CBLB: variants seen among roughly 807,000 people sequenced by gnomAD.
The protein encoded by CBLB is Cbl proto-oncogene B.
A neutral mutation model predicts 104.9 loss-of-function variants in CBLB; 31 were observed. The ratio of observed to expected loss-of-function variants is 0.30; its 90% CI spans 0.22 to 0.40. The LOEUF is 0.40. Ranked by LOEUF, CBLB falls within the 10% of genes least tolerant of loss-of-function variation. The pLI, the probability that CBLB is intolerant of heterozygous loss-of-function variation, is 1.00. For missense variants in CBLB, 1,062 were observed against 1,214.6 expected (o/e 0.87, Z 1.87); for synonymous variants, 440 against 422.6 (o/e 1.04, Z -0.51).
At chr3:105,742,936 T>TC (rs1175477685) in intron 6 of CBLB, among the ~76,000 whole-genome samples, 3 of 152,202 alleles carry the variant, frequency 2.0e-5, no homozygotes, top group Admixed American at 6.5e-5. Flanking sequence ...TTTCTAAAAC[T>TC]CATTATTATA....
At chr3:105,806,881 T>C (rs957062171) in intron 3 of CBLB, among the ~76,000 whole-genome samples, 20 of 152,194 alleles carry the variant, frequency 1.3e-4, no homozygotes, top group African/African-American at 4.3e-4. Context: ...AAAACATTCA[T>C]TGTTGCTTCC....
chr3:105,838,633 C>A (rs1334400940), intron 3 of CBLB, among the ~76,000 whole-genome samples: 1 of 148,832 alleles, frequency 6.7e-6, no homozygotes, highest in Non-Finnish European at 1.5e-5. Context: ...TCTTTTCCAA[C>A]AAAACTTTAA....
At chr3:105,749,581 G>C (rs1328776869) in intron 5 of CBLB, 1 of 157,166 alleles carries the variant, frequency 6.4e-6, no homozygotes, top group Non-Finnish European at 1.4e-5. Context: ...AATACCCACA[G>C]TAAAAAGTCA....
At position 105,657,806 on chromosome 3, in the gene CBLB, T is replaced by C. The variant is rs889103978; in HGVS notation, c.*1164A>G. On this transcript the variant is annotated 3_prime_UTR_variant, in exon 19 of 19. Transcript: ENST00000394030. ...AAATTAAATATGAACTCTAATTTGATTGCAGAGAGAAAATTACTGAGAACT... is the reference window on the plus strand; with the variant it reads ...AAATTAAATATGAACTCTAATTTGACTGCAGAGAGAAAATTACTGAGAACT... 5 of 206,404 alleles carry C rather than the reference T, an allele frequency of 2.4e-5. No individual in the cohort carries two copies. Among genetic ancestry groups the C allele is most frequent in the African/African-American group, 2.3e-5 (1 of 43,946 alleles). 12.8% of individuals were successfully genotyped at this position (206,404 alleles called of 1,614,324 possible). A position where few individuals can be genotyped will look rare whatever the true frequency, so the allele number is the denominator to read the frequency against.
At chr3:105,759,554 C>T (rs934713645) in intron 4 of CBLB, among the ~76,000 whole-genome samples, 1 of 152,184 alleles carries the variant, frequency 6.6e-6, no homozygotes, top group Non-Finnish European at 1.5e-5. Flanking sequence ...CCCTCCAGTG[C>T]TCCTTGGTCC....
intron 14 of CBLB, among the ~76,000 whole-genome samples, chr3:105,683,468 T>G (rs2066577508): frequency 6.6e-6 from 1 of 152,178 alleles, no homozygotes; most frequent in Admixed American, 6.5e-5. Context: ...TTTTCAAGAT[T>G]TGGGAGCTCT....
At position 105,656,356 on chromosome 3, in the gene CBLB, G is replaced by A. The variant is rs2063345839; in HGVS notation, c.*2614C>T. 3 of 203,586 alleles carry A rather than the reference G, an allele frequency of 1.5e-5. No individual in the cohort carries two copies. In the East Asian group the frequency reaches 2.3e-4, roughly 15 times the overall value. The allele number at this position is 203,586 out of a possible 1,614,324, so 12.6% of individuals were successfully genotyped here. A position where few individuals can be genotyped will look rare whatever the true frequency, so the allele number is the denominator to read the frequency against. On this transcript the variant is annotated 3_prime_UTR_variant, in exon 19 of 19. Coordinates refer to ENST00000394030, the MANE Select transcript of CBLB (RefSeq NM_170662.5). ...ACTTTTTGGATCACAGTGAAACAAA[G>A]TCTGGATCACTTCCAGACATCAACG...
chr3:105,695,709 T>C (rs1185040264), intron 12 of CBLB, among the ~76,000 whole-genome samples: 1 of 151,808 alleles, frequency 6.6e-6, no homozygotes, highest in African/African-American at 2.4e-5. Flanking sequence ...GCCACTGAAA[T>C]GCTGTAGTGT....
Position 105,737,207 on chromosome 3 carries a change from A to C in CBLB, c.1035T>G (p.Cys345Trp). 1 of 1,594,910 alleles carries C rather than the reference A, an allele frequency of 6.3e-7. No individual in the cohort carries two copies. Among genetic ancestry groups the C allele is most frequent in the Non-Finnish European group, 8.6e-7 (1 of 1,164,500 alleles). Residue 345 changes from cysteine to tryptophan, a missense_variant, in exon 8 of 19, where the codon TGT becomes TGG. By Grantham distance (215) the Cys-to-Trp change is radical. Coordinates refer to ENST00000394030, the MANE Select transcript of CBLB (RefSeq NM_170662.5). ...TTATATGGTCATGAGGTGTAGGTTC[A>C]CATAATCCAGTTAAATCAGGATTAT... ...RSYNPDLTGLCEPTPHDHIKV... is the reference protein window; with the variant it reads ...RSYNPDLTGLWEPTPHDHIKV...
At chr3:105,818,783 A>C (rs1021175881) in intron 3 of CBLB, among the ~76,000 whole-genome samples, 1 of 151,986 alleles carries the variant, frequency 6.6e-6, no homozygotes, top group Non-Finnish European at 1.5e-5. Flanking sequence ...TTTTATGCAA[A>C]ATTCTAAGAA....
chr3:105,678,289 G>A (rs1254421376), intron 17 of CBLB, 142 bp downstream of exon 17: 12 of 773,438 alleles, frequency 1.6e-5, no homozygotes, highest in East Asian at 1.3e-4. Context: ...ACGTACCCAC[G>A]ATTGCTACTT....
At chr3:105,772,207 C>T (rs867780806) in intron 4 of CBLB, among the ~76,000 whole-genome samples, 1 of 152,074 alleles carries the variant, frequency 6.6e-6, no homozygotes, top group Non-Finnish European at 1.5e-5. Context: ...ACAGAGAACC[C>T]AGAAGTAAAG....
At chr3:105,840,313 C>G (rs2089350830) in intron 3 of CBLB, among the ~76,000 whole-genome samples, 2 of 151,160 alleles carry the variant, frequency 1.3e-5, no homozygotes, top group South Asian at 2.1e-4. Context: ...GAGATATTTA[C>G]AGAAAAAGGT....
chr3:105,839,226 T>G (rs1472392438), intron 3 of CBLB, among the ~76,000 whole-genome samples: 2 of 152,176 alleles, frequency 1.3e-5, no homozygotes, highest in African/African-American at 4.8e-5. Flanking sequence ...TTAGAATGCA[T>G]CTGATCCATG....
intron 9 of CBLB, among the ~76,000 whole-genome samples, chr3:105,726,554 T>C (rs975575559): frequency 6.6e-6 from 1 of 152,088 alleles, no homozygotes; most frequent in African/African-American, 2.4e-5. Context: ...CCTTTTTTTT[T>C]TTTTTCTTTT....
chr3:105,728,860 G>C (rs1234542552), intron 9 of CBLB, among the ~76,000 whole-genome samples: 2 of 152,142 alleles, frequency 1.3e-5, no homozygotes, highest in African/African-American at 4.8e-5. Context: ...AGCAATTAAA[G>C]AGTAACCACT....
chr3:105,679,559 T>C (rs1228429272), intron 16 of CBLB, among the ~76,000 whole-genome samples: 2 of 151,988 alleles, frequency 1.3e-5, no homozygotes, highest in African/African-American at 2.4e-5. Flanking sequence ...GGGTGGATCA[T>C]GAGGTCAGGA....
chr3:105,769,341 T>C (rs1197768568), intron 4 of CBLB, among the ~76,000 whole-genome samples: 2 of 151,984 alleles, frequency 1.3e-5, no homozygotes, highest in Non-Finnish European at 2.9e-5. Flanking sequence ...TATTATTGCC[T>C]AAACATTCCA....
intron 8 of CBLB, 102 bp downstream of exon 8, chr3:105,737,069 T>C (rs2075028955): frequency 1.9e-6 from 1 of 519,960 alleles, no homozygotes; most frequent in South Asian, 3.8e-5. Flanking sequence ...TATTTTGTAT[T>C]AAATACCTGT....
Sources: allele counts gnomAD v4.1 joint callset (sites outside exome capture counted in the v4.1 genomes callset), GRCh38; gene constraint gnomAD v4.1.1; transcripts MANE v1.5; gene names NCBI Gene and HGNC (gene_info 2026-07-23, HGNC 2026-07-21).